FMN1: variants seen among roughly 807,000 people sequenced by gnomAD.
FMN1 encodes the protein formin-1.
In FMN1, 110 loss-of-function variants were observed where a neutral mutation model predicts 132.4. That is an observed-to-expected ratio of 0.83 (90% CI 0.71 to 0.97). The LOEUF (loss-of-function observed/expected upper bound fraction) is 0.97, where lower values mean the gene tolerates loss of function less well. Ranked by LOEUF, FMN1 falls within the 50% of genes least tolerant of loss-of-function variation. The pLI is 0.00. For synonymous variants in FMN1, 722 were observed against 651.7 expected (o/e 1.11, Z -1.64); for missense variants, 1,792 against 1,705.3 (o/e 1.05, Z -0.90).
At chr15:33,189,869 A>G (rs1966014106) in intron 2 of FMN1, among the ~76,000 whole-genome samples, 1 of 152,226 alleles carries the variant, frequency 6.6e-6, no homozygotes, top group Non-Finnish European at 1.5e-5. Context: ...ATAGACTTTG[A>G]GGACATTTTT....
chr15:32,865,542 A>G (rs572905532), intron 16 of FMN1, among the ~76,000 whole-genome samples: 1 of 152,352 alleles, frequency 6.6e-6, no homozygotes, highest in Admixed American at 6.5e-5. Flanking sequence ...AACGTTATTA[A>G]AATAAAAGAC....
chr15:32,906,782 T>C (rs1255484623), intron 12 of FMN1, among the ~76,000 whole-genome samples: 2 of 152,142 alleles, frequency 1.3e-5, no homozygotes, highest in African/African-American at 4.8e-5. Context: ...TAGGGATTGG[T>C]AAGGAAGGTG....
At chr15:33,038,999 T>C (rs2036306367) in intron 6 of FMN1, among the ~76,000 whole-genome samples, 1 of 152,160 alleles carries the variant, frequency 6.6e-6, no homozygotes, top group South Asian at 2.1e-4. Flanking sequence ...TCCCTCCAGA[T>C]ATCTGAATTA....
Position 33,088,921 on chromosome 15 carries a change from C to CT in FMN1, c.1920dup (p.Asp641ArgfsTer26), listed in dbSNP as rs1408791537. The CT allele has an allele frequency of 1.2e-5, 19 of 1,535,790 alleles. No individual in the cohort carries two copies. Among genetic ancestry groups the CT allele is most frequent in the South Asian group, 3.6e-5 (3 of 84,036 alleles). ...GCGCCTCCATCTCTGTTGGGAAGGT[C>CT]TTTAGGTGTCTGCTCATTGAAGCCG... On this transcript the variant is annotated frameshift_variant, in exon 5 of 21. Transcript: ENST00000616417. LOFTEE classifies it high-confidence loss of function.
chr15:32,823,329 T>C (rs1330767226), intron 17 of FMN1, among the ~76,000 whole-genome samples: 2 of 151,698 alleles, frequency 1.3e-5, no homozygotes, highest in African/African-American at 2.4e-5. Flanking sequence ...GCCCAGTTAA[T>C]TTCTTTTTGT....
At chr15:33,141,458 G>A (rs1321888509) in intron 4 of FMN1, among the ~76,000 whole-genome samples, 2 of 152,102 alleles carry the variant, frequency 1.3e-5, no homozygotes, top group Admixed American at 6.5e-5. Context: ...CACCCATCAC[G>A]GGTAGGATCC....
rs1233333458 is a variant in FMN1 at position 33,088,902 on chromosome 15, C to T, written c.1940G>A (p.Gly647Glu). ...TCTGTAGCCCAGAACCCACGCGCCTCCATCTCTGTTGGGAAGGTCTTTAGG... is the reference window on the plus strand; with the variant it reads ...TCTGTAGCCCAGAACCCACGCGCCTTCATCTCTGTTGGGAAGGTCTTTAGG... ...QTPKDLPNRD[G>E]GAWVLGYRAG... The change falls in exon 5 of 21, where the codon GGA becomes GAA. Residue 647 changes from glycine (G) to glutamate (E), a missense_variant. Around this residue, in one of 3 missense-constraint regions of FMN1, gnomAD observed 1,150 missense variants for 1,043.1 expected, o/e 1.10. Coordinates refer to ENST00000616417, the MANE Select transcript of FMN1 (RefSeq NM_001277313.2). 2.9e-5 allele frequency: 44 copies of T among 1,535,834 alleles called. No individual in the cohort carries two copies. Among genetic ancestry groups the T allele is most frequent in the Non-Finnish European group, 3.7e-5 (42 of 1,146,864 alleles).
At chr15:33,016,097 G>A (rs1008466856) in intron 6 of FMN1, among the ~76,000 whole-genome samples, 1 of 152,028 alleles carries the variant, frequency 6.6e-6, no homozygotes, top group Non-Finnish European at 1.5e-5. Context: ...GCTTATTTAA[G>A]CAAAAACAGT....
At chr15:33,132,229 A>G (rs1045700512) in intron 4 of FMN1, among the ~76,000 whole-genome samples, 11 of 152,010 alleles carry the variant, frequency 7.2e-5, no homozygotes, top group African/African-American at 2.7e-4. Context: ...TTCTAATAAT[A>G]CCAAATATAA....
At chr15:32,977,765 T>C (rs978640769) in intron 7 of FMN1, among the ~76,000 whole-genome samples, 1 of 152,076 alleles carries the variant, frequency 6.6e-6, no homozygotes, top group African/African-American at 2.4e-5. Context: ...AAACAGATAG[T>C]CCCAAGCCTC....
Position 32,812,183 on chromosome 15 carries a change from A to G in FMN1, c.3929-7851T>C, listed in dbSNP as rs150230039. On this transcript the variant is annotated intron_variant, in intron 17 of 20. Coordinates refer to ENST00000616417, the MANE Select transcript of FMN1 (RefSeq NM_001277313.2). Reference sequence around the variant, plus strand: ...TTTCCCCATATACACATCACCGGGAACATTCTAAATGTCTAGGACAATGCC... The same window carrying G: ...TTTCCCCATATACACATCACCGGGAGCATTCTAAATGTCTAGGACAATGCC... 9.7e-4 allele frequency among the ~76,000 whole-genome samples: 147 copies of G among 152,318 alleles called. 1 individual carries two copies. Among genetic ancestry groups the G allele is most frequent in the African/African-American group, 3.4e-3 (143 of 41,578 alleles).
intron 6 of FMN1, among the ~76,000 whole-genome samples, chr15:33,018,693 G>A (rs1202879416): frequency 1.1e-4 from 17 of 152,108 alleles, no homozygotes; most frequent in Admixed American, 1.3e-4. Flanking sequence ...ATGAAGCTGC[G>A]GACCCTTGCC....
chr15:32,964,952 G>C (rs2031054558), intron 8 of FMN1, among the ~76,000 whole-genome samples: 1 of 152,122 alleles, frequency 6.6e-6, no homozygotes, highest in Non-Finnish European at 1.5e-5. Flanking sequence ...CAGAAACAGG[G>C]GCACCCTAGT....
chr15:33,139,030 G>A (rs1044109783), intron 4 of FMN1, among the ~76,000 whole-genome samples: 1 of 152,152 alleles, frequency 6.6e-6, no homozygotes, highest in Non-Finnish European at 1.5e-5. Context: ...CCAGTCTGGG[G>A]ATATTACTAA....
chr15:32,871,515 T>A (rs932011777), intron 16 of FMN1, among the ~76,000 whole-genome samples: 5 of 152,218 alleles, frequency 3.3e-5, no homozygotes, highest in Non-Finnish European at 7.3e-5. Flanking sequence ...TGTAGTTGGA[T>A]AGTGAAATCC....
chr15:32,949,984 C>T lies in FMN1; in HGVS notation c.3138+14123G>A, dbSNP rs376923974. On this transcript the variant is annotated intron_variant, in intron 9 of 20. Coordinates refer to ENST00000616417, the MANE Select transcript of FMN1 (RefSeq NM_001277313.2). ...ATATATACACACATATATATACACA[C>T]ACATATATATACACATACACATATA... Among the ~76,000 whole-genome samples the T allele has an allele frequency of 5.7e-3, 175 of 30,444 alleles. 6 individuals carry two copies. Among genetic ancestry groups the T allele is most frequent in the African/African-American group, 0.013 (51 of 3,808 alleles). The allele number at this position is 30,444 out of a possible 152,430, so 20.0% of individuals were successfully genotyped here.
At chr15:32,834,867 T>C (rs2339160) in intron 17 of FMN1, among the ~76,000 whole-genome samples, 3,653 of 152,318 alleles carry the variant, frequency 0.024, 43 homozygotes, top group African/African-American at 0.043. Context: ...GTGCTTCATA[T>C]TCACCACACA....
chr15:33,191,194 A>C (rs998362345), intron 2 of FMN1, among the ~76,000 whole-genome samples: 2 of 151,528 alleles, frequency 1.3e-5, no homozygotes. Context: ...AGTCCTGGCT[A>C]CCTCCAAAAT....
chr15:32,971,056 G>A (rs979781844), intron 7 of FMN1, among the ~76,000 whole-genome samples: 1 of 152,198 alleles, frequency 6.6e-6, no homozygotes, highest in Admixed American at 6.5e-5. Context: ...TCTTGGCTTA[G>A]GCACTTGCGA....
Sources: allele counts gnomAD v4.1 joint callset (sites outside exome capture counted in the v4.1 genomes callset), GRCh38; gene constraint gnomAD v4.1.1; regional missense constraint gnomAD v4.1.1; transcripts MANE v1.5; gene names NCBI Gene and HGNC (gene_info 2026-07-23, HGNC 2026-07-21).